VPS13A: variants seen among roughly 807,000 people sequenced by gnomAD.
VPS13A encodes the protein intermembrane lipid transfer protein VPS13A.
A neutral mutation model predicts 390.9 loss-of-function variants in VPS13A; 264 were observed. The ratio of observed to expected loss-of-function variants is 0.68; its 90% confidence interval spans 0.61 to 0.75. The LOEUF is 0.75. Among genes scored for constraint, VPS13A ranks in the 30% least tolerant of loss-of-function variants. VPS13A has a pLI of 0.00. For synonymous variants in VPS13A, 1,231 were observed against 1,227.1 expected, an observed-to-expected ratio of 1.00 and a Z score of -0.07; for missense variants, 3,409 against 3,733.9, an observed-to-expected ratio of 0.91 and a Z score of 2.27.
At chr9:77,379,821 CTGT>C (rs1833330932) in intron 67 of VPS13A, among the ~76,000 whole-genome samples, 1 of 152,100 alleles carries the variant, frequency 6.6e-6, no homozygotes, top group South Asian at 2.1e-4. Flanking sequence ...AATATATATT[CTGT>C]TGTTGTTGGT....
At chr9:77,385,067 A>G (rs1385538058) in intron 68 of VPS13A, 6 of 1,007,584 alleles carry the variant, frequency 6.0e-6, no homozygotes, top group Middle Eastern at 5.0e-4. Context: ...CTGGGCTTTA[A>G]TGTAATGCCA....
At position 77,344,472 on chromosome 9, in the gene VPS13A, T is replaced by C. The variant is rs11145390; in HGVS notation, c.7155+191T>C. Among the ~76,000 whole-genome samples the C allele has an allele frequency of 6.2e-3, 951 of 152,190 alleles. 30 individuals are homozygous for C. The highest frequency in any genetic ancestry group is 0.056 in the East Asian group (292 of 5,170). ...ATTTAATTGTTAAATAAAAAGTTAG[T>C]TGGGGCCGGGTGCGGTGGCTCACGC... On this transcript the variant is annotated intron_variant, in intron 51 of 71. Transcript: ENST00000360280.
intron 15 of VPS13A, among the ~76,000 whole-genome samples, chr9:77,226,828 T>C (rs1178025872): frequency 2.6e-5 from 4 of 152,120 alleles, no homozygotes; most frequent in Non-Finnish European, 1.5e-5. Flanking sequence ...CCCAGAGATT[T>C]AGTGAATGCA....
chr9:77,233,074 T>C (rs533698395), intron 17 of VPS13A, among the ~76,000 whole-genome samples: 1 of 152,318 alleles, frequency 6.6e-6, no homozygotes, highest in South Asian at 2.1e-4. Context: ...ACTATAGGTT[T>C]TTAAGGTTAT....
intron 68 of VPS13A, among the ~76,000 whole-genome samples, chr9:77,392,469 G>A (rs898366740): frequency 3.3e-5 from 5 of 151,890 alleles, no homozygotes; most frequent in East Asian, 1.9e-4. Context: ...CTTATCTGAC[G>A]TCAGTTTCCA....
chr9:77,416,032 A>G lies in VPS13A; in HGVS notation c.*26A>G. 6.2e-7 allele frequency: 1 copy of G among 1,612,758 alleles called. No individual in the cohort carries two copies. The highest frequency in any genetic ancestry group is 8.5e-7 in the Non-Finnish European group (1 of 1,178,932). On this transcript the variant is annotated 3_prime_UTR_variant, in exon 72 of 72. Coordinates refer to ENST00000360280, the MANE Select transcript of VPS13A (RefSeq NM_033305.3). ...CAGAGAACACTGCCTGAAGACACAC[A>G]GCAATAAGTGATTACAGCTCCTAGA...
chr9:77,197,812 A>G (rs1428435361), intron 1 of VPS13A, among the ~76,000 whole-genome samples: 2 of 152,222 alleles, frequency 1.3e-5, no homozygotes, highest in African/African-American at 4.8e-5. Context: ...ACCTTCAACC[A>G]TCAGAAAGGA....
chr9:77,228,141 T>A lies in VPS13A; in HGVS notation c.1472T>A (p.Phe491Tyr). The part of the protein sequence containing the change: ...LLKTFEALKF[F>Y]VHLKSMSIVL... ...CCTTAGTTTGAAGCCTTGAAGTTTTTTGTCCACTTGAAAAGTATGTCTATT... is the reference window on the plus strand; with the variant it reads ...CCTTAGTTTGAAGCCTTGAAGTTTTATGTCCACTTGAAAAGTATGTCTATT... The change falls in exon 17 of 72, where the codon TTT (phenylalanine) becomes TAT (tyrosine). Residue 491 changes from phenylalanine to tyrosine, a missense_variant. This residue lies in a region of VPS13A where 2,717 missense variants were observed against 2,917.4 expected (regional missense o/e 0.93). Transcript: ENST00000360280. 1 of 1,602,484 alleles carries A rather than the reference T, an allele frequency of 6.2e-7. No homozygotes were observed. The highest frequency in any genetic ancestry group is 8.5e-7 in the Non-Finnish European group (1 of 1,174,088).
Position 77,293,390 on chromosome 9 carries a change from AC to A in VPS13A, c.3390del (p.Tyr1130Ter). ...GTTTTCAGCTTCAAAATGGTTTCTT[AC>A]ATGGATGCAACTGCTGGTTCTGCAT... is the stretch of plus-strand genomic sequence containing the variant. ...KEVFSFKMVSYMDATAGSAYT... is the reference protein window; with the variant it reads ...KEVFSFKMVSXMDATAGSAYT... On this transcript the variant is annotated frameshift_variant, in exon 32 of 72. Transcript: ENST00000360280. LOFTEE classifies it high-confidence loss of function. The A allele has an allele frequency of 6.2e-7, 1 of 1,613,474 alleles. No individual in the cohort carries two copies. The highest frequency in any genetic ancestry group is 8.5e-7 in the Non-Finnish European group (1 of 1,179,718).
chr9:77,240,239 C>T (rs1181831660), intron 19 of VPS13A, among the ~76,000 whole-genome samples: 2 of 150,872 alleles, frequency 1.3e-5, no homozygotes, highest in Non-Finnish European at 3.0e-5. Context: ...CCCACCACAA[C>T]GCCTGGCTAA....
intron 68 of VPS13A, among the ~76,000 whole-genome samples, chr9:77,400,037 A>C (rs1378946868): frequency 6.6e-6 from 1 of 152,100 alleles, no homozygotes; most frequent in African/African-American, 2.4e-5. Flanking sequence ...TACCCTTTTA[A>C]TGAATATTTA....
intron 47 of VPS13A, 96 bp from the exon 48 acceptor site, chr9:77,339,420 A>AT: frequency 8.0e-7 from 1 of 1,249,304 alleles, no homozygotes. Flanking sequence ...TTTCAAAAGC[A>AT]TTTTTTGCAG....
At chr9:77,372,449 A>G (rs2131592181) in intron 67 of VPS13A, among the ~76,000 whole-genome samples, 1 of 152,190 alleles carries the variant, frequency 6.6e-6, no homozygotes, top group East Asian at 1.9e-4. Context: ...TCATGCTAAA[A>G]ACTCTCAATA....
chr9:77,412,560 A>G (rs1834988126), intron 71 of VPS13A, among the ~76,000 whole-genome samples: 1 of 152,174 alleles, frequency 6.6e-6, no homozygotes, highest in Non-Finnish European at 1.5e-5. Context: ...CATCCTAAAA[A>G]CTCTCAATAA....
chr9:77,220,845 C>T (rs1243639770), intron 12 of VPS13A, among the ~76,000 whole-genome samples: 1 of 152,042 alleles, frequency 6.6e-6, no homozygotes, highest in Non-Finnish European at 1.5e-5. Flanking sequence ...AAGCTATTCC[C>T]TAGTTTCTAG....
rs1288765183 is a variant in VPS13A, at chr9:77,318,292, A to G, written c.5014A>G (p.Lys1672Glu). The G allele has an allele frequency of 5.6e-6, 9 of 1,609,482 alleles. No homozygotes were observed. Among genetic ancestry groups the G allele is most frequent in the Admixed American group, 5.1e-5 (3 of 58,954 alleles). ...CATAACTTCAGCACTGTATACAACT[A>G]AGGAAACCATCCCAGAAGAAACGGC... ...ITITSALYTT[K>E]ETIPEETASS... The change falls in exon 41 of 72, where the codon AAG becomes GAG. Residue 1672 changes from lysine (K) to glutamate (E), a missense_variant. Physicochemically the swap from Lys to Glu is moderately conservative, Grantham distance 56 (BLOSUM62 1). Transcript: ENST00000360280.
chr9:77,327,825 T>C (rs1269818947), intron 45 of VPS13A, among the ~76,000 whole-genome samples: 2 of 152,146 alleles, frequency 1.3e-5, no homozygotes, highest in African/African-American at 4.8e-5. Context: ...AGTGACTTGC[T>C]CCATTGAAGT....
At chr9:77,295,457 TGGA>T in intron 32 of VPS13A, 82 bp from the exon 33 acceptor site, 2 of 1,194,410 alleles carry the variant, frequency 1.7e-6, no homozygotes, top group African/African-American at 1.5e-5. Context: ...TTTTTTTAAA[TGGA>T]GGTAAAACCA....
rs1831460992 is a variant in VPS13A at position 77,351,455 on chromosome 9, T to C, written c.7419+9T>C. On this transcript the variant is annotated intron_variant, in intron 53 of 71. Coordinates refer to ENST00000360280, the MANE Select transcript of VPS13A (RefSeq NM_033305.3). ...AAGTAACACAGAAGGATGTAAGTAT[T>C]GGGTTATTATGGTGTTCCCAGCAGC... 6.2e-7 allele frequency: 1 copy of C among 1,612,110 alleles called. No homozygotes were observed. Among genetic ancestry groups the C allele is most frequent in the South Asian group, 1.1e-5 (1 of 91,062 alleles).
Sources: gnomAD v4.1 joint callset for allele counts (sites outside exome capture counted in the v4.1 genomes callset) on GRCh38, gnomAD v4.1.1 for gene constraint, gnomAD v4.1.1 regional missense constraint, MANE v1.5 for transcripts, NCBI Gene and HGNC (gene_info 2026-07-23, HGNC 2026-07-21) for gene names.